The following AGAP1 variants were observed in gnomAD, a reference collection of about 807,000 sequenced individuals.
AGAP1 encodes ArfGAP with GTPase domain, ankyrin repeat and PH domain 1.
Under a neutral mutation model 105.3 loss-of-function variants are expected in AGAP1, and 29 were observed. That is an observed-to-expected ratio of 0.28 (90% CI 0.21 to 0.38). AGAP1 has a LOEUF of 0.38. Among genes scored for constraint, AGAP1 ranks in the 10% least tolerant of loss-of-function variants. AGAP1 has a pLI of 1.00. For synonymous variants in AGAP1, 509 were observed against 485.9 expected, an observed-to-expected ratio of 1.05 and a Z score of -0.63; for missense variants, 998 against 1,165.1, an observed-to-expected ratio of 0.86 and a Z score of 2.09.
chr2:235,842,265 A>C lies in AGAP1; in HGVS notation c.1050+34934A>C, dbSNP rs888468066. ...TGTGGCTGGGGGGAAATTCATTCGTATTTCCACTGACTTCGACTGAAAGTT... is the reference window on the plus strand; with the variant it reads ...TGTGGCTGGGGGGAAATTCATTCGTCTTTCCACTGACTTCGACTGAAAGTT... On this transcript the variant is annotated intron_variant, in intron 9 of 17. Coordinates refer to ENST00000304032, the MANE Select transcript of AGAP1 (RefSeq NM_001037131.3). This position sits in a 1 kb window ranked among gnomAD's most constrained non-coding sequence, Gnocchi z 5.3. Among the ~76,000 whole-genome samples the C allele has an allele frequency of 1.3e-5, 2 of 152,184 alleles. No homozygotes were observed. The highest frequency in any genetic ancestry group is 2.9e-5 in the Non-Finnish European group (2 of 68,030).
intron 16 of AGAP1, among the ~76,000 whole-genome samples, chr2:236,112,276 C>T (rs1490495464): frequency 6.6e-6 from 1 of 152,100 alleles, no homozygotes; most frequent in African/African-American, 2.4e-5. Flanking sequence ...ATTAGCCGGA[C>T]GTGGTGGCAC....
At chr2:235,923,442 A>G (rs2052285475) in intron 11 of AGAP1, among the ~76,000 whole-genome samples, 2 of 152,166 alleles carry the variant, frequency 1.3e-5, no homozygotes. Context: ...CCACGTTTAC[A>G]GGGGCCGCCA....
chr2:235,776,940 G>C, intron 6 of AGAP1: 1 of 471,172 alleles, frequency 2.1e-6, no homozygotes, highest in Non-Finnish European at 4.4e-6. Context: ...AGCAGGAAAA[G>C]CTGGGGCCGT....
chr2:235,908,482 G>A lies in AGAP1; in HGVS notation c.1156-256G>A, dbSNP rs1424300040. Among the ~76,000 whole-genome samples, 1 of 152,010 alleles carries A rather than the reference G, an allele frequency of 6.6e-6. No individual in the cohort carries two copies. Among genetic ancestry groups the A allele is most frequent in the Non-Finnish European group, 1.5e-5 (1 of 68,024 alleles). Reference sequence around the variant, plus strand: ...ACTTACTTCCTAATGACCCTTGAAGGAGGCACCTGCTGTGTCTCTCCTTAC... The same window carrying A: ...ACTTACTTCCTAATGACCCTTGAAGAAGGCACCTGCTGTGTCTCTCCTTAC... On this transcript the variant is annotated intron_variant, in intron 10 of 17. Transcript: ENST00000304032. This position sits in a 1 kb window ranked among gnomAD's most constrained non-coding sequence, Gnocchi z 4.4.
rs145923894 is a variant in AGAP1 at position 235,682,468 on chromosome 2, G to A, written c.164-26711G>A. Among the ~76,000 whole-genome samples the A allele has an allele frequency of 2.4e-3, 364 of 151,860 alleles. 10 individuals are homozygous for A. In the East Asian group the frequency reaches 0.064, roughly 27 times the overall value. On this transcript the variant is annotated intron_variant, in intron 1 of 17. Coordinates refer to ENST00000304032, the MANE Select transcript of AGAP1 (RefSeq NM_001037131.3). Reference sequence around the variant, plus strand: ...AGAGATTCTCCTGCCTCAGCCTCTCGAGTAGCTGGGATTACAGGTGTCTGC... The same window carrying A: ...AGAGATTCTCCTGCCTCAGCCTCTCAAGTAGCTGGGATTACAGGTGTCTGC...
At chr2:235,876,817 G>GT (rs2049764225) in intron 9 of AGAP1, among the ~76,000 whole-genome samples, 1 of 150,154 alleles carries the variant, frequency 6.7e-6, no homozygotes, top group Admixed American at 6.6e-5. Flanking sequence ...TTCTAGACCA[G>GT]TCTTTCCCAC....
At chr2:235,583,469 C>T (rs1042213629) in intron 1 of AGAP1, among the ~76,000 whole-genome samples, 6 of 151,878 alleles carry the variant, frequency 4.0e-5, no homozygotes, top group African/African-American at 1.5e-4. Flanking sequence ...TGGTTGTTGG[C>T]CTGATAGGAA....
intron 1 of AGAP1, among the ~76,000 whole-genome samples, chr2:235,572,083 T>C (rs1944546878): frequency 6.6e-6 from 1 of 150,424 alleles, no homozygotes; most frequent in African/African-American, 2.4e-5. Flanking sequence ...AGCTCACAGC[T>C]CTGCTCCTGG....
At chr2:235,680,335 G>GT (rs1948995460) in intron 1 of AGAP1, among the ~76,000 whole-genome samples, 1 of 152,216 alleles carries the variant, frequency 6.6e-6, no homozygotes, top group African/African-American at 2.4e-5. Flanking sequence ...CTGAGCCCTT[G>GT]TAGGGGTGGG....
intron 12 of AGAP1, among the ~76,000 whole-genome samples, chr2:235,945,295 G>C (rs1043618123): frequency 6.6e-6 from 1 of 152,010 alleles, no homozygotes; most frequent in Non-Finnish European, 1.5e-5. Flanking sequence ...AGAGTTGGGG[G>C]GGGGTTCACC....
rs1949745127 is a variant in AGAP1, at chr2:235,691,771, A to G, written c.164-17408A>G. Reference sequence around the variant, plus strand: ...CCCTGTCCTGAGTGTGACCTCCGTCATGTTGACCCCTGCACTCCTGCCCGC... The same window carrying G: ...CCCTGTCCTGAGTGTGACCTCCGTCGTGTTGACCCCTGCACTCCTGCCCGC... On this transcript the variant is annotated intron_variant, in intron 1 of 17. Coordinates refer to ENST00000304032, the MANE Select transcript of AGAP1 (RefSeq NM_001037131.3). The surrounding 1 kb of genome is among the most constrained non-coding windows in gnomAD (Gnocchi z 4.4). 6.6e-6 allele frequency among the ~76,000 whole-genome samples: 1 copy of G among 152,172 alleles called. No homozygotes were observed. Among genetic ancestry groups the G allele is most frequent in the Admixed American group, 6.5e-5 (1 of 15,282 alleles).
chr2:235,614,982 G>A lies in AGAP1; in HGVS notation c.164-94197G>A, dbSNP rs1946262014. Among the ~76,000 whole-genome samples, 1 of 152,206 alleles carries A rather than the reference G, an allele frequency of 6.6e-6. No homozygotes were observed. Among genetic ancestry groups the A allele is most frequent in the Non-Finnish European group, 1.5e-5 (1 of 68,044 alleles). ...CCAAGTAAACTTCTGCCTGTGTGTG[G>A]TGCGCTCAAATAAAGGAGGCTGTTC... On this transcript the variant is annotated intron_variant, in intron 1 of 17. Transcript: ENST00000304032. This position sits in a 1 kb window ranked among gnomAD's most constrained non-coding sequence, Gnocchi z 4.7.
intron 13 of AGAP1, among the ~76,000 whole-genome samples, chr2:236,028,069 G>A (rs2057111010): frequency 6.6e-6 from 1 of 152,206 alleles, no homozygotes; most frequent in African/African-American, 2.4e-5. Flanking sequence ...GTCTGGGGTT[G>A]CAGTTGGTCC....
chr2:235,981,744 AG>A lies in AGAP1; in HGVS notation c.1645+13124del, dbSNP rs1373032450. On this transcript the variant is annotated intron_variant, in intron 13 of 17. Transcript: ENST00000304032. This position sits in a 1 kb window ranked among gnomAD's most constrained non-coding sequence, Gnocchi z 5.5. ...CGCATTTTTATAACTGAGGAAACCG[AG>A]GGTCATAAAGTTTAAGTAACTTGCT... Among the ~76,000 whole-genome samples, 3 of 152,130 alleles carry A rather than the reference AG, an allele frequency of 2.0e-5. No individual in the cohort carries two copies. Among genetic ancestry groups the A allele is most frequent in the Non-Finnish European group, 2.9e-5 (2 of 68,018 alleles).
chr2:235,500,701 C>A (rs1941526025), intron 1 of AGAP1, among the ~76,000 whole-genome samples: 1 of 152,158 alleles, frequency 6.6e-6, no homozygotes. Flanking sequence ...TTCATGTGAT[C>A]TTCATGATGC....
At chr2:235,681,687 C>T (rs1220239991) in intron 1 of AGAP1, among the ~76,000 whole-genome samples, 2 of 152,164 alleles carry the variant, frequency 1.3e-5, no homozygotes, top group Non-Finnish European at 2.9e-5. Flanking sequence ...CATTAACCAG[C>T]ACTTACTGAA....
chr2:235,515,873 G>A (rs888623103), intron 1 of AGAP1, among the ~76,000 whole-genome samples: 1 of 152,184 alleles, frequency 6.6e-6, no homozygotes, highest in Admixed American at 6.5e-5. Context: ...ATCTTGGTGG[G>A]AAAGAGATAT....
rs998505814 is a variant in AGAP1, at chr2:235,553,704, A to G, written c.163+58855A>G. On this transcript the variant is annotated intron_variant, in intron 1 of 17. Coordinates refer to ENST00000304032, the MANE Select transcript of AGAP1 (RefSeq NM_001037131.3). This position sits in a 1 kb window ranked among gnomAD's most constrained non-coding sequence, Gnocchi z 4.5. ...CAGGGCCCTGGATTTGGAGGGAGCC[A>G]ACTGCCAGAGTCTCAAGCAGGTGAG... Among the ~76,000 whole-genome samples the G allele has an allele frequency of 1.3e-5, 2 of 152,012 alleles. No individual in the cohort carries two copies. The highest frequency in any genetic ancestry group is 4.8e-5 in the African/African-American group (2 of 41,384).
At position 235,705,502 on chromosome 2, in the gene AGAP1, G is replaced by A. The variant is rs1950493444; in HGVS notation, c.164-3677G>A. Among the ~76,000 whole-genome samples the A allele has an allele frequency of 6.6e-6, 1 of 152,188 alleles. No homozygotes were observed. Among genetic ancestry groups the A allele is most frequent in the South Asian group, 2.1e-4 (1 of 4,828 alleles). The stretch of plus-strand genomic sequence containing the variant: ...ACCCTTCCTCGACCCCACCTACTGA[G>A]TGATGAACAATTCCACGCCAGCACA... On this transcript the variant is annotated intron_variant, in intron 1 of 17. Coordinates refer to ENST00000304032, the MANE Select transcript of AGAP1 (RefSeq NM_001037131.3). This position sits in a 1 kb window ranked among gnomAD's most constrained non-coding sequence, Gnocchi z 4.9.
Sources: allele counts gnomAD v4.1 joint callset (sites outside exome capture counted in the v4.1 genomes callset), GRCh38; gene constraint gnomAD v4.1.1; non-coding constraint Gnocchi (gnomAD v3.1); transcripts MANE v1.5; gene names NCBI Gene and HGNC (gene_info 2026-07-23, HGNC 2026-07-21).